Variants in PLPPR5 observed in about 807,000 individuals in gnomAD.
The protein encoded by PLPPR5 is phospholipid phosphatase related 5, also known as phospholipid phosphatase-related protein type 5.
Under a neutral mutation model 33.9 loss-of-function variants are expected in PLPPR5, and 16 were observed. The observed-to-expected ratio is 0.47, with a 90% confidence interval of 0.32 to 0.72. The LOEUF is 0.72. Ranked by LOEUF, PLPPR5 falls within the 30% of genes least tolerant of loss-of-function variation. The pLI, the probability that PLPPR5 is intolerant of heterozygous loss-of-function variation, is 0.03. For synonymous variants in PLPPR5, 163 were observed against 150.3 expected (o/e 1.08, Z -0.62); for missense variants, 301 against 406.7 (o/e 0.74, Z 2.23).
chr1:99,005,486 A>G (rs553847210), upstream of PLPPR5, among the ~76,000 whole-genome samples: 4 of 152,190 alleles, frequency 2.6e-5, no homozygotes, highest in South Asian at 8.3e-4. Context: ...ATATATATGT[A>G]TATACAAATA....
intron 1 of PLPPR5, among the ~76,000 whole-genome samples, chr1:98,977,456 T>C (rs537022741): frequency 2.1e-4 from 31 of 151,194 alleles, no homozygotes; most frequent in African/African-American, 6.8e-4. Flanking sequence ...AATGTTCTCA[T>C]TGGTTCTATG....
intron 2 of PLPPR5, among the ~76,000 whole-genome samples, chr1:98,955,759 C>A (rs1414625649): frequency 6.6e-6 from 1 of 152,002 alleles, no homozygotes; most frequent in African/African-American, 2.4e-5. Context: ...AATATGAGAA[C>A]TATGTTGAAG....
At chr1:98,923,566 A>G (rs915938371) in intron 3 of PLPPR5, among the ~76,000 whole-genome samples, 1 of 151,988 alleles carries the variant, frequency 6.6e-6, no homozygotes, top group African/African-American at 2.4e-5. Flanking sequence ...AGCTGCCAAA[A>G]GGGGCTGTAT....
At chr1:98,995,823 A>G (rs1301090700) in intron 1 of PLPPR5, among the ~76,000 whole-genome samples, 1 of 152,104 alleles carries the variant, frequency 6.6e-6, no homozygotes. Flanking sequence ...GCACAGCAGA[A>G]TTTGTTCTGA....
chr1:98,997,502 A>T (rs1652673507), intron 1 of PLPPR5, among the ~76,000 whole-genome samples: 1 of 152,236 alleles, frequency 6.6e-6, no homozygotes. Context: ...TTCAAAGTAC[A>T]AAATGAACGA....
intron 1 of PLPPR5, among the ~76,000 whole-genome samples, chr1:98,983,611 G>C (rs1172128283): frequency 6.6e-6 from 1 of 151,386 alleles, no homozygotes; most frequent in African/African-American, 2.4e-5. Flanking sequence ...CCAGTAATGG[G>C]ATGGCTGGGT....
intron 3 of PLPPR5, among the ~76,000 whole-genome samples, chr1:98,941,361 G>A (rs1650361670): frequency 6.6e-6 from 1 of 151,836 alleles, no homozygotes; most frequent in Admixed American, 6.6e-5. Flanking sequence ...AGATCTGGGG[G>A]ATGAGGTCTG....
At chr1:98,967,581 T>G (rs190569691) in intron 1 of PLPPR5, among the ~76,000 whole-genome samples, 163 of 152,176 alleles carry the variant, frequency 1.1e-3, no homozygotes, top group African/African-American at 3.7e-3. Context: ...CCAATCTTTT[T>G]CAGCCTCTTA....
In PLPPR5 at chr1:98,890,974, C is replaced by G. The variant is rs771744879; in HGVS notation, c.*2098G>C. ...GCTTCCAACAGGAAAAACATTCCTG[C>G]TTGGCTGCTTGGAAGTCTGATGTAG... On this transcript the variant is annotated 3_prime_UTR_variant, in exon 6 of 6. Transcript: ENST00000263177. The G allele has an allele frequency of 2.6e-5, 4 of 152,112 alleles. No homozygotes were observed. Among genetic ancestry groups the G allele is most frequent in the Non-Finnish European group, 5.9e-5 (4 of 68,004 alleles). The allele number at this position is 152,112 out of a possible 1,614,324, so 9.4% of individuals were successfully genotyped here.
chr1:98,997,713 T>C (rs1481525508), intron 1 of PLPPR5, among the ~76,000 whole-genome samples: 1 of 152,198 alleles, frequency 6.6e-6, no homozygotes, highest in Non-Finnish European at 1.5e-5. Flanking sequence ...GCTGGCAAAG[T>C]AGTGCTGCAA....
At chr1:98,942,076 A>AAGAGAGAG (rs138044131) in intron 3 of PLPPR5, among the ~76,000 whole-genome samples, 15 of 148,300 alleles carry the variant, frequency 1.0e-4, no homozygotes, top group East Asian at 7.9e-4. Context: ...GAGAGGAAGA[A>AAGAGAGAG]AGAGAGAGAG....
chr1:98,923,804 G>C (rs981445140), intron 3 of PLPPR5, among the ~76,000 whole-genome samples: 1 of 152,200 alleles, frequency 6.6e-6, no homozygotes, highest in East Asian at 1.9e-4. Context: ...GAAGAGATGA[G>C]AAAGAGAAAA....
intron 3 of PLPPR5, among the ~76,000 whole-genome samples, chr1:98,940,536 G>T (rs948816438): frequency 2.0e-5 from 3 of 152,012 alleles, no homozygotes; most frequent in South Asian, 4.2e-4. Context: ...ACACGTAGGA[G>T]TGTAACGCTT....
intron 5 of PLPPR5, among the ~76,000 whole-genome samples, chr1:98,904,041 T>TTAAACATGG (rs1342857383): frequency 2.0e-5 from 3 of 152,142 alleles, no homozygotes; most frequent in Admixed American, 2.0e-4. Flanking sequence ...GCCATGGGAA[T>TTAAACATGG]TAAACATGGT....
intron 3 of PLPPR5, among the ~76,000 whole-genome samples, chr1:98,929,922 T>C (rs556980352): frequency 6.6e-6 from 1 of 152,316 alleles, no homozygotes; most frequent in South Asian, 2.1e-4. Context: ...TACATAAAGA[T>C]AGCTTGTGAT....
chr1:98,978,644 G>T (rs1651950298), intron 1 of PLPPR5, among the ~76,000 whole-genome samples: 1 of 151,966 alleles, frequency 6.6e-6, no homozygotes, highest in Non-Finnish European at 1.5e-5. Flanking sequence ...TTACATGATG[G>T]TTTTTTAATC....
In PLPPR5 at chr1:99,000,519, A is replaced by C. The variant is rs530619022; in HGVS notation, c.237+3916T>G. On this transcript the variant is annotated intron_variant, in intron 1 of 5. Coordinates refer to ENST00000263177, the MANE Select transcript of PLPPR5 (RefSeq NM_001037317.2). ...CCACACACCACTCTTAGAAACAAAC[A>C]AACCAACTGCTGTTTCAAGAGTGCA... Among the ~76,000 whole-genome samples, 5 of 152,300 alleles carry C rather than the reference A, an allele frequency of 3.3e-5. 1 individual carries two copies. The highest frequency in any genetic ancestry group is 4.1e-4 in the South Asian group (2 of 4,824).
intron 4 of PLPPR5, among the ~76,000 whole-genome samples, chr1:98,915,585 A>ATGCATTCGAGAAGCTTCT (rs1649314463): frequency 6.6e-6 from 1 of 151,614 alleles, no homozygotes; most frequent in Admixed American, 6.6e-5. Flanking sequence ...TAAAAAATAA[A>ATGCATTCGAGAAGCTTCT]AATAAAAAGC....
At chr1:98,916,985 G>A (rs1649380386) in intron 4 of PLPPR5, among the ~76,000 whole-genome samples, 1 of 152,052 alleles carries the variant, frequency 6.6e-6, no homozygotes, top group South Asian at 2.1e-4. Flanking sequence ...AAAACGAAGA[G>A]GTTGCAATAG....
Sources: allele counts gnomAD v4.1 joint callset (sites outside exome capture counted in the v4.1 genomes callset), GRCh38; gene constraint gnomAD v4.1.1; transcripts MANE v1.5; gene names NCBI Gene and HGNC (gene_info 2026-07-23, HGNC 2026-07-21).